The following TAPT1 variants were observed in gnomAD, a reference collection of about 807,000 sequenced individuals.
TAPT1 encodes the protein transmembrane anterior posterior transformation protein 1 homolog.
Under a neutral mutation model 65.6 loss-of-function variants are expected in TAPT1, and 28 were observed. The observed-to-expected ratio is 0.43, with a 90% CI of 0.32 to 0.59. The LOEUF (loss-of-function observed/expected upper bound fraction) is 0.59. Among genes scored for constraint, TAPT1 ranks in the 20% least tolerant of loss-of-function variants. The pLI is 0.09. For synonymous variants in TAPT1, 278 were observed against 245.2 expected, an observed-to-expected ratio of 1.13 and a Z score of -1.25; for missense variants, 563 against 679.9, an observed-to-expected ratio of 0.83 and a Z score of 1.91.
Position 16,226,288 on chromosome 4 carries a change from C to A in TAPT1, c.170G>T (p.Arg57Leu), listed in dbSNP as rs1248746825. ...TETLGFYESD[R>L]RRERRRGRTE... ...GCGGCCCCGGCGCCTCTCCCGCCGC[C>A]GGTCGCTCTCGTAGAAGCCCAGCGT... The change falls in exon 1 of 14, where the codon CGG becomes CTG. Residue 57 changes from arginine to leucine, a missense_variant. By Grantham distance (102) the Arg-to-Leu change is moderately radical. Transcript: ENST00000405303. 6.2e-6 allele frequency: 7 copies of A among 1,128,252 alleles called. No individual in the cohort carries two copies. The East Asian group carries it at 2.7e-4, about 44-fold the overall frequency. The allele number at this position is 1,128,252 out of a possible 1,614,324, so 69.9% of individuals were successfully genotyped here.
At chr4:16,224,932 T>C (rs908806497) in intron 1 of TAPT1, among the ~76,000 whole-genome samples, 9 of 152,226 alleles carry the variant, frequency 5.9e-5, no homozygotes, top group Non-Finnish European at 1.2e-4. Flanking sequence ...TTAAAGAAAG[T>C]ATAGTGAAGC....
chr4:16,221,985 C>T (rs1429583110), intron 1 of TAPT1, among the ~76,000 whole-genome samples: 1 of 152,066 alleles, frequency 6.6e-6, no homozygotes, highest in African/African-American at 2.4e-5. Flanking sequence ...TGTTTATAGT[C>T]TCATTTAGAG....
At chr4:16,174,176 C>CA (rs1748179941) in intron 11 of TAPT1, 28 bp downstream of exon 11, 4 of 1,530,082 alleles carry the variant, frequency 2.6e-6, no homozygotes, top group South Asian at 2.4e-5. Context: ...TACTTTGTTA[C>CA]AAAAAACATT....
intron 1 of TAPT1, 41 bp from the exon 2 acceptor site, chr4:16,213,939 T>C (rs1229259077): frequency 1.3e-6 from 2 of 1,557,108 alleles, no homozygotes; most frequent in East Asian, 4.6e-5. Flanking sequence ...AGAACAGTAT[T>C]TATCAAGGAA....
At chr4:16,201,531 A>C (rs1750030877) in intron 3 of TAPT1, among the ~76,000 whole-genome samples, 1 of 152,220 alleles carries the variant, frequency 6.6e-6, no homozygotes, top group Non-Finnish European at 1.5e-5. Context: ...GAACTCAATA[A>C]AAATGCTGTG....
intron 12 of TAPT1, among the ~76,000 whole-genome samples, chr4:16,168,594 CAG>C (rs1244451730): frequency 6.6e-6 from 1 of 152,222 alleles, no homozygotes; most frequent in Admixed American, 6.5e-5. Flanking sequence ...ACCAGCTCAC[CAG>C]AGAGGCCTGC....
At chr4:16,192,099 C>T (rs994064881) in intron 3 of TAPT1, among the ~76,000 whole-genome samples, 10 of 152,174 alleles carry the variant, frequency 6.6e-5, no homozygotes, top group Admixed American at 4.6e-4. Context: ...TGCCATGTCA[C>T]ATATATGAAA....
intron 8 of TAPT1, among the ~76,000 whole-genome samples, chr4:16,177,100 A>G (rs933794802): frequency 3.9e-5 from 6 of 152,270 alleles, no homozygotes; most frequent in African/African-American, 1.4e-4. Flanking sequence ...ATAGTTTACA[A>G]TAATCTACTG....
Position 16,166,803 on chromosome 4 carries a change from G to C in TAPT1, c.1314-10C>G, listed in dbSNP as rs369620715. 21 of 1,612,216 alleles carry C rather than the reference G, an allele frequency of 1.3e-5. No individual in the cohort carries two copies. The Middle Eastern group carries it at 4.9e-4, about 38-fold the overall frequency. ...TTTCAGGGATATCAACCTAAAAACA[G>C]AAACAAAACAAACCACATCCGTTGG... On this transcript the variant is annotated splice_polypyrimidine_tract_variant and intron_variant, in intron 12 of 13. Transcript: ENST00000405303.
At chr4:16,204,454 T>C (rs1240992195) in intron 2 of TAPT1, among the ~76,000 whole-genome samples, 1 of 152,282 alleles carries the variant, frequency 6.6e-6, no homozygotes, top group Non-Finnish European at 1.5e-5. Context: ...TAAAATTCAT[T>C]CTCAGCAGCG....
At chr4:16,174,465 T>C in intron 10 of TAPT1, 193 bp from the exon 11 acceptor site, 1 of 678,420 alleles carries the variant, frequency 1.5e-6, no homozygotes, top group Non-Finnish European at 2.5e-6. Context: ...TAACTTAAAA[T>C]GCTGCAAAGA....
intron 4 of TAPT1, 55 bp downstream of exon 4, chr4:16,191,304 GAA>G: frequency 6.6e-7 from 1 of 1,521,886 alleles, no homozygotes; most frequent in Non-Finnish European, 8.9e-7. Context: ...CTTCAGAACT[GAA>G]GACTTGAAGC....
At chr4:16,169,267 G>A (rs1291119218) in intron 12 of TAPT1, among the ~76,000 whole-genome samples, 5 of 152,184 alleles carry the variant, frequency 3.3e-5, no homozygotes, top group East Asian at 1.9e-4. Context: ...ACATACCCCT[G>A]GATGAACTAT....
chr4:16,202,715 T>C, intron 2 of TAPT1, 135 bp from the exon 3 acceptor site: 1 of 530,390 alleles, frequency 1.9e-6, no homozygotes, highest in Non-Finnish European at 3.4e-6. Flanking sequence ...AATAACAAAT[T>C]AACAGTTCTT....
chr4:16,165,310 C>T (rs1478848668), intron 13 of TAPT1, among the ~76,000 whole-genome samples: 11 of 152,250 alleles, frequency 7.2e-5, no homozygotes, highest in Non-Finnish European at 5.9e-5. Flanking sequence ...GTGGCTCATG[C>T]CTGTAATCCC....
intron 3 of TAPT1, chr4:16,196,584 A>C: frequency 1.4e-6 from 1 of 721,704 alleles, no homozygotes; most frequent in South Asian, 1.4e-5. Flanking sequence ...ATGTCTGCCT[A>C]TCCTGTTTAC....
At chr4:16,223,412 G>C (rs1751371401) in intron 1 of TAPT1, among the ~76,000 whole-genome samples, 1 of 152,230 alleles carries the variant, frequency 6.6e-6, no homozygotes, top group East Asian at 1.9e-4. Context: ...ATACAGAAGA[G>C]ATCAATCTGC....
At chr4:16,225,835 G>A in intron 1 of TAPT1, 2 of 975,360 alleles carry the variant, frequency 2.1e-6, no homozygotes, top group Non-Finnish European at 2.4e-6. Flanking sequence ...AGGTTTCTAT[G>A]GCTCAAGTTT....
At chr4:16,208,960 CTCAA>C (rs1750501057) in intron 2 of TAPT1, among the ~76,000 whole-genome samples, 1 of 152,136 alleles carries the variant, frequency 6.6e-6, no homozygotes, top group Non-Finnish European at 1.5e-5. Flanking sequence ...GCCTCTGGGG[CTCAA>C]GCAATCCTTC....
Sources: allele counts gnomAD v4.1 joint callset (sites outside exome capture counted in the v4.1 genomes callset), GRCh38; gene constraint gnomAD v4.1.1; transcripts MANE v1.5; gene names NCBI Gene and HGNC (gene_info 2026-07-23, HGNC 2026-07-21).